Variants in ANO10 observed in about 807,000 individuals in gnomAD.
The protein encoded by ANO10 is anoctamin 10, also known as anoctamin-10.
A neutral mutation model predicts 74.7 loss-of-function variants in ANO10; 77 were observed. That is an observed-to-expected ratio of 1.03 (90% confidence interval 0.86 to 1.25). The LOEUF (loss-of-function observed/expected upper bound fraction) is 1.25. Among genes scored for constraint, ANO10 ranks in the 50% most tolerant of loss-of-function variants. ANO10 has a pLI of 0.00. For synonymous variants in ANO10, 279 were observed against 284.9 expected (o/e 0.98, Z 0.21); for missense variants, 721 against 778.1 (o/e 0.93, Z 0.87).
chr3:43,439,697 T>C (rs529592074), intron 11 of ANO10, among the ~76,000 whole-genome samples: 6 of 151,996 alleles, frequency 3.9e-5, no homozygotes, highest in East Asian at 3.9e-4. Flanking sequence ...CTGGGCAACA[T>C]GGTAAAACCC....
At chr3:43,504,072 G>A (rs923311475) in intron 11 of ANO10, among the ~76,000 whole-genome samples, 2 of 151,938 alleles carry the variant, frequency 1.3e-5, no homozygotes, top group Admixed American at 6.6e-5. Context: ...AGTTCAAGAC[G>A]AGCCTAGCCA....
chr3:43,547,436 T>C (rs185808586), intron 11 of ANO10, among the ~76,000 whole-genome samples: 2 of 152,312 alleles, frequency 1.3e-5, no homozygotes, highest in African/African-American at 4.8e-5. Context: ...AATCAAGATG[T>C]TGGCAGGGCT....
At chr3:43,488,862 C>G (rs1267825216) in intron 11 of ANO10, among the ~76,000 whole-genome samples, 4 of 152,124 alleles carry the variant, frequency 2.6e-5, no homozygotes, top group Non-Finnish European at 5.9e-5. Flanking sequence ...TATAAAGACA[C>G]ATGCACACAT....
chr3:43,650,001 T>C (rs970901200), intron 1 of ANO10, among the ~76,000 whole-genome samples: 7 of 151,792 alleles, frequency 4.6e-5, no homozygotes, highest in East Asian at 1.9e-4. Context: ...TGCTGTCCCA[T>C]GTACGGCGTA....
chr3:43,510,615 T>C (rs1263376480), intron 11 of ANO10, among the ~76,000 whole-genome samples: 4 of 152,208 alleles, frequency 2.6e-5, no homozygotes, highest in Admixed American at 6.5e-5. Flanking sequence ...TCTCTGTGTA[T>C]TATTTCTTAC....
At chr3:43,544,254 C>T (rs2079079779) in intron 11 of ANO10, among the ~76,000 whole-genome samples, 1 of 152,066 alleles carries the variant, frequency 6.6e-6, no homozygotes, top group Non-Finnish European at 1.5e-5. Context: ...TTTTAACCCA[C>T]AAAAAATGGC....
intron 2 of ANO10, among the ~76,000 whole-genome samples, chr3:43,602,672 T>A (rs2082389085): frequency 6.6e-6 from 1 of 152,162 alleles, no homozygotes; most frequent in Non-Finnish European, 1.5e-5. Flanking sequence ...TGTCAACATT[T>A]TGTTTTGAAA....
intron 1 of ANO10, among the ~76,000 whole-genome samples, chr3:43,651,290 A>C (rs928224798): frequency 6.7e-6 from 1 of 150,354 alleles, no homozygotes; most frequent in Non-Finnish European, 1.5e-5. Context: ...GTACAGAAGA[A>C]AAACCTACAC....
intron 1 of ANO10, among the ~76,000 whole-genome samples, chr3:43,669,622 T>C (rs967236842): frequency 3.3e-5 from 5 of 152,168 alleles, no homozygotes; most frequent in African/African-American, 1.2e-4. Context: ...AGAGTTGATT[T>C]TTCAGATTAT....
chr3:43,676,237 T>A (rs1214523783), intron 1 of ANO10, among the ~76,000 whole-genome samples: 1 of 151,776 alleles, frequency 6.6e-6, no homozygotes, highest in African/African-American at 2.4e-5. Context: ...GGTGAGAGGA[T>A]CACTTGAGCC....
intron 1 of ANO10, among the ~76,000 whole-genome samples, chr3:43,615,428 T>C (rs2083048932): frequency 6.6e-6 from 1 of 152,148 alleles, no homozygotes; most frequent in Non-Finnish European, 1.5e-5. Flanking sequence ...TCAGATATAT[T>C]TCTCCAAGTT....
intron 12 of ANO10, among the ~76,000 whole-genome samples, chr3:43,386,341 AGAAG>A (rs2092115144): frequency 6.6e-6 from 1 of 152,058 alleles, no homozygotes; most frequent in Non-Finnish European, 1.5e-5. Context: ...AGAGAAAGCA[AGAAG>A]GAAGGAAGAA....
intron 11 of ANO10, among the ~76,000 whole-genome samples, chr3:43,532,805 C>A (rs1258419788): frequency 1.3e-5 from 2 of 152,136 alleles, no homozygotes; most frequent in Non-Finnish European, 2.9e-5. Flanking sequence ...CCCAAAACAT[C>A]TAGGAATCTC....
At position 43,565,691 on chromosome 3, in the gene ANO10, T is replaced by C; in HGVS notation, c.1255A>G (p.Ile419Val). 3.9e-6 allele frequency: 6 copies of C among 1,543,806 alleles called. No homozygotes were observed. The highest frequency in any genetic ancestry group is 3.5e-6 in the Non-Finnish European group (4 of 1,150,130). Reference sequence around the variant, plus strand: ...TTCATATCTTTCAAGACAAAGGCAATATAGAAGAGTGAGGCAAAGCAATTG... The same window carrying C: ...TTCATATCTTTCAAGACAAAGGCAACATAGAAGAGTGAGGCAAAGCAATTG... ...FLNCFASLFYIAFVLKDMKLL... is the reference protein window; with the variant it reads ...FLNCFASLFYVAFVLKDMKLL... The change falls in exon 8 of 13, where the codon ATT becomes GTT. Residue 419 changes from isoleucine (I) to valine (V), a missense_variant. Ile to Val is a conservative substitution (Grantham distance 29, BLOSUM62 3). Coordinates refer to ENST00000292246, the MANE Select transcript of ANO10 (RefSeq NM_018075.5).
At chr3:43,386,648 C>CGT (rs36065814) in intron 12 of ANO10, among the ~76,000 whole-genome samples, 37,538 of 139,672 alleles carry the variant, frequency 0.27, 4,943 homozygotes, top group Middle Eastern at 0.33. Flanking sequence ...TAGGTGTGTA[C>CGT]GTGTGTGTGT....
rs760973973 is a variant in ANO10, at chr3:43,576,755, C to A, written c.1099G>T (p.Ala367Ser). The change falls in exon 6 of 13, where the codon GCC becomes TCC. Residue 367 changes from alanine (A) to serine (S), a missense_variant. Physicochemically the swap from Ala to Ser is moderately conservative, Grantham distance 99. Transcript: ENST00000292246. ...CGATTCATGATCTCAATCACAATGG[C>A]ATAGATGATGCTGGGCACATACAAC... ...VLLYVPSIIY[A>S]IVIEIMNRLY... 2 of 1,614,070 alleles carry A rather than the reference C, an allele frequency of 1.2e-6. No homozygotes were observed.
chr3:43,526,464 G>A (rs2078201925), intron 11 of ANO10, among the ~76,000 whole-genome samples: 1 of 152,164 alleles, frequency 6.6e-6, no homozygotes, highest in Non-Finnish European at 1.5e-5. Context: ...GGAAACAACT[G>A]CTAAAAGAGC....
At chr3:43,574,099 TGCC>T (rs2080879229) in intron 7 of ANO10, among the ~76,000 whole-genome samples, 1 of 139,560 alleles carries the variant, frequency 7.2e-6, no homozygotes, top group Admixed American at 7.3e-5. Flanking sequence ...GGATTACAGG[TGCC>T]ACCATACCCG....
At chr3:43,374,323 C>A (rs899556713) in intron 12 of ANO10, among the ~76,000 whole-genome samples, 2 of 152,228 alleles carry the variant, frequency 1.3e-5, no homozygotes, top group Non-Finnish European at 2.9e-5. Context: ...ACACTTACAT[C>A]ACATTGCACG....
Sources: gnomAD v4.1 joint callset for allele counts (sites outside exome capture counted in the v4.1 genomes callset) on GRCh38, gnomAD v4.1.1 for gene constraint, MANE v1.5 for transcripts, NCBI Gene and HGNC (gene_info 2026-07-23, HGNC 2026-07-21) for gene names.